The following NUBPL variants were observed in gnomAD, a reference collection of about 807,000 sequenced individuals.
NUBPL encodes the protein NUBP iron-sulfur cluster assembly factor, mitochondrial.
Under a neutral mutation model 45.7 loss-of-function variants are expected in NUBPL, and 31 were observed. That is an observed-to-expected ratio of 0.68 (90% CI 0.51 to 0.92). The LOEUF (loss-of-function observed/expected upper bound fraction) is 0.92, where lower values mean the gene tolerates loss of function less well. Among genes scored for constraint, NUBPL ranks in the 40% least tolerant of loss-of-function variants. The probability of loss-of-function intolerance (pLI) is 0.00; values close to 1 mark genes in which losing one functional copy is unlikely to be tolerated. For synonymous variants in NUBPL, 144 were observed against 140.9 expected (o/e 1.02, Z -0.15); for missense variants, 401 against 398.7 (o/e 1.01, Z -0.05).
chr14:31,803,519 C>T (rs949552944), intron 7 of NUBPL, among the ~76,000 whole-genome samples: 2 of 152,164 alleles, frequency 1.3e-5, no homozygotes, highest in Admixed American at 1.3e-4. Context: ...TAGGACATTA[C>T]GTTTCCTAAT....
At chr14:31,604,674 C>T (rs921452011) in intron 4 of NUBPL, among the ~76,000 whole-genome samples, 4 of 152,090 alleles carry the variant, frequency 2.6e-5, no homozygotes, top group South Asian at 2.1e-4. Context: ...GCAGATCATA[C>T]GTTTATCCAC....
At chr14:31,764,860 A>T (rs2038882358) in intron 6 of NUBPL, among the ~76,000 whole-genome samples, 2 of 152,152 alleles carry the variant, frequency 1.3e-5, no homozygotes, top group Non-Finnish European at 1.5e-5. Context: ...ATAACATGGG[A>T]ACTAGGTTGT....
At chr14:31,815,161 A>G (rs547300136) in intron 7 of NUBPL, among the ~76,000 whole-genome samples, 2 of 152,258 alleles carry the variant, frequency 1.3e-5, no homozygotes, top group South Asian at 2.1e-4. Context: ...GATTCTTCCT[A>G]TTCATGAACA....
intron 6 of NUBPL, among the ~76,000 whole-genome samples, chr14:31,762,547 G>A (rs1334538327): frequency 6.6e-6 from 1 of 152,124 alleles, no homozygotes; most frequent in African/African-American, 2.4e-5. Context: ...TCATATTTAT[G>A]TGAATGACTA....
chr14:31,845,706 C>T (rs1336498094), intron 8 of NUBPL: 3 of 152,294 alleles, frequency 2.0e-5, no homozygotes, highest in South Asian at 2.1e-4. Context: ...TCATAAAGTT[C>T]TTGTGAAGAG....
chr14:31,840,697 G>A (rs2040357176), intron 8 of NUBPL, among the ~76,000 whole-genome samples: 1 of 152,068 alleles, frequency 6.6e-6, no homozygotes, highest in Admixed American at 6.6e-5. Flanking sequence ...TCACTTATAT[G>A]TGGAATCCAA....
At chr14:31,791,046 A>G (rs907526002) in intron 7 of NUBPL, among the ~76,000 whole-genome samples, 3 of 152,114 alleles carry the variant, frequency 2.0e-5, no homozygotes, top group African/African-American at 7.2e-5. Flanking sequence ...AGGCAGGAGG[A>G]TCACTTGAGC....
intron 3 of NUBPL, among the ~76,000 whole-genome samples, chr14:31,596,683 T>TA (rs2139546959): frequency 6.6e-6 from 1 of 152,362 alleles, no homozygotes; most frequent in East Asian, 1.9e-4. Context: ...TAGATCGTGT[T>TA]AAAGTTCTGT....
At chr14:31,611,947 C>T (rs2034770832) in intron 4 of NUBPL, among the ~76,000 whole-genome samples, 2 of 152,158 alleles carry the variant, frequency 1.3e-5, no homozygotes, top group Non-Finnish European at 2.9e-5. Flanking sequence ...ACTTTGAGAC[C>T]TTCAACTGTG....
At chr14:31,748,514 C>G (rs955373044) in intron 6 of NUBPL, among the ~76,000 whole-genome samples, 1 of 151,618 alleles carries the variant, frequency 6.6e-6, no homozygotes, top group Non-Finnish European at 1.5e-5. Context: ...TTGTTATATC[C>G]TCTTCCTGCA....
intron 6 of NUBPL, among the ~76,000 whole-genome samples, chr14:31,784,774 G>A (rs1297575958): frequency 2.0e-5 from 3 of 152,078 alleles, no homozygotes; most frequent in Non-Finnish European, 4.4e-5. Context: ...TCAATATCAA[G>A]TACATGTGTT....
chr14:31,706,101 T>C (rs8010580), intron 6 of NUBPL, among the ~76,000 whole-genome samples: 85,391 of 152,066 alleles, frequency 0.56, 26,678 homozygotes, highest in African/African-American at 0.86. Context: ...ACACCGAGGC[T>C]GAGGAGATGC....
intron 6 of NUBPL, among the ~76,000 whole-genome samples, chr14:31,744,373 A>G (rs1047718768): frequency 6.6e-6 from 1 of 152,234 alleles, no homozygotes; most frequent in African/African-American, 2.4e-5. Context: ...CTATGAAGAT[A>G]TTTGATGAAA....
chr14:31,639,804 A>T (rs922266568), intron 4 of NUBPL, among the ~76,000 whole-genome samples: 2 of 152,112 alleles, frequency 1.3e-5, no homozygotes, highest in Admixed American at 6.5e-5. Context: ...CCCCTCCCCC[A>T]GCCTCGCTGC....
At chr14:31,830,090 C>A (rs2040165922) in intron 8 of NUBPL, among the ~76,000 whole-genome samples, 1 of 152,142 alleles carries the variant, frequency 6.6e-6, no homozygotes, top group African/African-American at 2.4e-5. Context: ...CTATATACCC[C>A]TTCCTTCTTT....
At chr14:31,848,989 G>A (rs926975524) in intron 9 of NUBPL, among the ~76,000 whole-genome samples, 2 of 152,094 alleles carry the variant, frequency 1.3e-5, no homozygotes, top group African/African-American at 2.4e-5. Context: ...CCTATAGTCC[G>A]AAGTTGATCT....
intron 6 of NUBPL, among the ~76,000 whole-genome samples, chr14:31,711,882 T>C (rs903693317): frequency 6.6e-6 from 1 of 151,748 alleles, no homozygotes; most frequent in Non-Finnish European, 1.5e-5. Flanking sequence ...CATCCGGAGT[T>C]GTTTGTTCCT....
intron 4 of NUBPL, among the ~76,000 whole-genome samples, chr14:31,666,866 G>T (rs1481291894): frequency 6.6e-6 from 1 of 152,150 alleles, no homozygotes. Flanking sequence ...CTTTAAGAAT[G>T]TTGAATGTTG....
At chr14:31,657,109 C>A (rs1422684077) in intron 4 of NUBPL, among the ~76,000 whole-genome samples, 1 of 152,130 alleles carries the variant, frequency 6.6e-6, no homozygotes, top group East Asian at 1.9e-4. Flanking sequence ...AGAATGAAAT[C>A]TTTAATGTAG....
Sources: allele counts gnomAD v4.1 joint callset (sites outside exome capture counted in the v4.1 genomes callset), GRCh38; gene constraint gnomAD v4.1.1; transcripts MANE v1.5; gene names NCBI Gene and HGNC (gene_info 2026-07-23, HGNC 2026-07-21).